Variants in ANO4 observed in about 807,000 individuals in gnomAD.
ANO4 encodes the protein anoctamin 4.
A neutral mutation model predicts 141.9 loss-of-function variants in ANO4; 69 were observed. The ratio of observed to expected loss-of-function variants is 0.49; its 90% confidence interval spans 0.40 to 0.59. The LOEUF (loss-of-function observed/expected upper bound fraction) is 0.59. Ranked by LOEUF, ANO4 falls within the 20% of genes least tolerant of loss-of-function variation. The probability of loss-of-function intolerance (pLI) is 0.00; values close to 1 mark genes in which losing one functional copy is unlikely to be tolerated. For synonymous variants in ANO4, 350 were observed against 394.3 expected (o/e 0.89, Z 1.33); for missense variants, 894 against 1,162.2 (o/e 0.77, Z 3.36).
intron 1 of ANO4, among the ~76,000 whole-genome samples, chr12:100,721,786 T>C (rs938033545): frequency 3.3e-5 from 5 of 152,070 alleles, no homozygotes; most frequent in Non-Finnish European, 5.9e-5. Flanking sequence ...TCAAGCAGTC[T>C]TCCTTCATCA....
intron 7 of ANO4, among the ~76,000 whole-genome samples, chr12:100,982,055 A>T (rs2044490978): frequency 6.6e-6 from 1 of 152,188 alleles, no homozygotes. Flanking sequence ...ATCATGAATC[A>T]GCATGAAGGA....
intron 1 of ANO4, among the ~76,000 whole-genome samples, chr12:100,815,926 C>T (rs2035713378): frequency 1.3e-5 from 2 of 152,010 alleles, no homozygotes; most frequent in South Asian, 2.1e-4. Flanking sequence ...TCCATTTATG[C>T]AACTTTTGTA....
chr12:101,123,586 C>T (rs2051186610), intron 26 of ANO4, among the ~76,000 whole-genome samples: 1 of 150,856 alleles, frequency 6.6e-6, no homozygotes, highest in African/African-American at 2.4e-5. Context: ...TTTTCTGTTC[C>T]TTTGTCAGTT....
At chr12:100,736,936 C>T (rs148272238) in intron 2 of ANO4, among the ~76,000 whole-genome samples, 4 of 152,236 alleles carry the variant, frequency 2.6e-5, no homozygotes, top group Non-Finnish European at 2.9e-5. Context: ...ATTTTGGACT[C>T]GCAGCCCCCA....
At chr12:100,753,417 G>T (rs1467177975) in intron 3 of ANO4, among the ~76,000 whole-genome samples, 1 of 152,128 alleles carries the variant, frequency 6.6e-6, no homozygotes, top group Non-Finnish European at 1.5e-5. Flanking sequence ...TTTAGGCTGG[G>T]CCAGGAATAT....
intron 9 of ANO4, among the ~76,000 whole-genome samples, chr12:101,034,661 A>G (rs1177638472): frequency 6.6e-6 from 1 of 152,182 alleles, no homozygotes; most frequent in Non-Finnish European, 1.5e-5. Context: ...AAAGTTTTCA[A>G]AAAATATGGC....
intron 3 of ANO4, among the ~76,000 whole-genome samples, chr12:100,929,123 A>G (rs1216402801): frequency 6.6e-6 from 1 of 152,110 alleles, no homozygotes; most frequent in Non-Finnish European, 1.5e-5. Flanking sequence ...TGTGTTACAA[A>G]CAATCCAATT....
chr12:100,987,072 T>G (rs2136330409), intron 7 of ANO4: 1 of 158,872 alleles, frequency 6.3e-6, no homozygotes, highest in South Asian at 1.8e-4. Context: ...TGGAGCTCTC[T>G]GCACAACTCC....
intron 3 of ANO4, among the ~76,000 whole-genome samples, chr12:100,785,496 A>C (rs755834995): frequency 6.6e-6 from 1 of 152,154 alleles, no homozygotes; most frequent in Non-Finnish European, 1.5e-5. Flanking sequence ...GAATTATATC[A>C]TATGTAGCCT....
chr12:100,964,135 C>T (rs2043545771), intron 5 of ANO4, among the ~76,000 whole-genome samples: 1 of 151,938 alleles, frequency 6.6e-6, no homozygotes, highest in African/African-American at 2.4e-5. Flanking sequence ...TTAAGCATTC[C>T]TTCAAAAAAA....
intron 1 of ANO4, among the ~76,000 whole-genome samples, chr12:100,815,901 G>A (rs968667496): frequency 6.6e-6 from 1 of 151,974 alleles, no homozygotes; most frequent in African/African-American, 2.4e-5. Context: ...ATTGCAGTAA[G>A]CAATAATACT....
intron 9 of ANO4, among the ~76,000 whole-genome samples, chr12:101,035,021 A>G (rs12818503): frequency 0.31 from 46,505 of 152,106 alleles, 7,693 homozygotes; most frequent in Non-Finnish European, 0.38. Context: ...CATCTACTAT[A>G]TGATCTAGTG....
rs1161429219 is a variant in ANO4 at position 100,847,057 on chromosome 12, C to T, written c.-141+52030C>T. Among the ~76,000 whole-genome samples the T allele has an allele frequency of 3.4e-4, 51 of 152,188 alleles. 1 individual carries two copies. Among genetic ancestry groups the T allele is most frequent in the Admixed American group, 3.3e-3 (51 of 15,282 alleles). On this transcript the variant is annotated intron_variant, in intron 1 of 27. Coordinates refer to ENST00000392977, the MANE Select transcript of ANO4 (RefSeq NM_001286615.2). ...AGGTCCCAGTGGTGTGTTCCCTTAGCATCCTGGGCCTCCATTCACAGCACT... is the reference window on the plus strand; with the variant it reads ...AGGTCCCAGTGGTGTGTTCCCTTAGTATCCTGGGCCTCCATTCACAGCACT...
intron 1 of ANO4, among the ~76,000 whole-genome samples, chr12:100,863,590 GTTTA>G (rs1463955428): frequency 1.3e-5 from 2 of 152,004 alleles, no homozygotes; most frequent in Non-Finnish European, 2.9e-5. Flanking sequence ...TTAGAATAAA[GTTTA>G]TTTATAGATA....
intron 5 of ANO4, among the ~76,000 whole-genome samples, chr12:100,955,453 A>C (rs1183103602): frequency 6.6e-6 from 1 of 152,222 alleles, no homozygotes; most frequent in East Asian, 1.9e-4. Context: ...TAGGAGAACA[A>C]GGTAAAAGTG....
At chr12:100,865,664 A>C (rs1200152609) in intron 1 of ANO4, among the ~76,000 whole-genome samples, 1 of 152,156 alleles carries the variant, frequency 6.6e-6, no homozygotes, top group Non-Finnish European at 1.5e-5. Context: ...CAAAATTTGC[A>C]TTTTATTTTA....
intron 14 of ANO4, chr12:101,066,673 C>T (rs924004438): frequency 4.1e-5 from 26 of 631,346 alleles, no homozygotes; most frequent in African/African-American, 2.0e-4. Flanking sequence ...GCCCTGCGGT[C>T]GGCGGCCTCC....
Position 101,048,365 on chromosome 12 carries a change from G to A in ANO4, c.1276G>A (p.Ala426Thr). 2 of 1,613,724 alleles carry A rather than the reference G, an allele frequency of 1.2e-6. No homozygotes were observed. Among genetic ancestry groups the A allele is most frequent in the Non-Finnish European group, 1.7e-6 (2 of 1,179,766 alleles). Residue 426 changes from alanine to threonine, a missense_variant, in exon 14 of 28, where the codon GCC becomes ACC. Physicochemically the swap from Ala to Thr is moderately conservative, Grantham distance 58. Transcript: ENST00000392977. ...AKVTHLFDNG[A>T]TVFFAVFMAV... ...GGTAACCCACCTTTTTGACAATGGA[G>A]CCACTGTCTTCTTTGCTGTTTTCAT...
intron 1 of ANO4, among the ~76,000 whole-genome samples, chr12:100,877,708 T>G (rs1278683703): frequency 6.6e-6 from 1 of 152,160 alleles, no homozygotes; most frequent in African/African-American, 2.4e-5. Context: ...GAGTGATGTT[T>G]TTTTCTCCAG....
Sources: allele counts gnomAD v4.1 joint callset (sites outside exome capture counted in the v4.1 genomes callset), GRCh38; gene constraint gnomAD v4.1.1; transcripts MANE v1.5; gene names NCBI Gene and HGNC (gene_info 2026-07-23, HGNC 2026-07-21).